The following TANC2 variants were observed in gnomAD, a reference collection of about 807,000 sequenced individuals.
TANC2 encodes protein TANC2.
TANC2 carries 26 observed loss-of-function variants against 210.5 expected under a neutral mutation model. The observed-to-expected ratio is 0.12, with a 90% CI of 0.09 to 0.17. The LOEUF is 0.17. Ranked by LOEUF, TANC2 falls within the 10% of genes least tolerant of loss-of-function variation. TANC2 has a pLI of 1.00. For missense variants in TANC2, 2,129 were observed against 2,608.9 expected, an observed-to-expected ratio of 0.82 and a Z score of 4.01; for synonymous variants, 931 against 967.1, an observed-to-expected ratio of 0.96 and a Z score of 0.69.
chr17:63,367,256 C>T (rs1404143634), intron 14 of TANC2, among the ~76,000 whole-genome samples: 1 of 152,186 alleles, frequency 6.6e-6, no homozygotes, highest in African/African-American at 2.4e-5. Flanking sequence ...ACTTAGGTGG[C>T]TTAAGACACC....
intron 4 of TANC2, among the ~76,000 whole-genome samples, chr17:63,124,230 G>A (rs1433658091): frequency 6.6e-6 from 1 of 151,656 alleles, no homozygotes; most frequent in African/African-American, 2.4e-5. Context: ...TCTAACTTCA[G>A]TATCTGTTCT....
At chr17:63,132,714 AATATT>A (rs796498014) in intron 4 of TANC2, among the ~76,000 whole-genome samples, 117 of 152,276 alleles carry the variant, frequency 7.7e-4, no homozygotes, top group African/African-American at 2.6e-3. Context: ...ATTTCTGACA[AATATT>A]CTAAGGTCAG....
rs552429950 is a variant in TANC2, at chr17:63,340,293, C to T, written c.1768C>T (p.Arg590Trp). The stretch of plus-strand genomic sequence containing the variant: ...TGTTCAAGACCCCATGGCCTCCTTC[C>T]GGAGGGGAGTTCTGGAGCCACTAGA... The change falls in exon 12 of 28, where the codon CGG (arginine) becomes TGG (tryptophan). Residue 590 changes from arginine to tryptophan, a missense_variant. Arg to Trp is a moderately radical substitution (Grantham distance 101). This residue lies in a region of TANC2 where 739 missense variants were observed against 848.0 expected (regional missense o/e 0.87). Coordinates refer to ENST00000689528, the Ensembl canonical transcript of TANC2. The T allele has an allele frequency of 8.1e-6, 13 of 1,613,850 alleles. No homozygotes were observed. In the African/African-American group the frequency reaches 1.7e-4, roughly 22 times the overall value.
At chr17:63,048,086 CCT>C (rs2035448204) in intron 2 of TANC2, among the ~76,000 whole-genome samples, 1 of 152,054 alleles carries the variant, frequency 6.6e-6, no homozygotes, top group African/African-American at 2.4e-5. Context: ...AGGTAGGACA[CCT>C]CTTGAATGAG....
intron 8 of TANC2, among the ~76,000 whole-genome samples, chr17:63,245,529 G>A (rs1312075093): frequency 6.6e-6 from 1 of 151,980 alleles, no homozygotes; most frequent in Non-Finnish European, 1.5e-5. Context: ...ACAACATGGT[G>A]AAACCCCGTC....
intron 5 of TANC2, among the ~76,000 whole-genome samples, chr17:63,188,892 T>C (rs1192108446): frequency 1.3e-5 from 2 of 149,386 alleles, no homozygotes; most frequent in African/African-American, 4.9e-5. Flanking sequence ...AGCATTTTTA[T>C]CACCCCCCCC....
At chr17:63,006,173 A>G (rs77361058) in intron 1 of TANC2, among the ~76,000 whole-genome samples, 10,972 of 151,998 alleles carry the variant, frequency 0.072, 543 homozygotes, top group African/African-American at 0.15. Flanking sequence ...TCTTTCCTCA[A>G]TCAGCCTTGG....
intron 8 of TANC2, among the ~76,000 whole-genome samples, chr17:63,247,007 A>G (rs2042937192): frequency 6.6e-6 from 1 of 152,074 alleles, no homozygotes; most frequent in Non-Finnish European, 1.5e-5. Context: ...ATGATATCTC[A>G]TGAGGTTTTA....
chr17:63,374,552 T>G (rs559358577), intron 14 of TANC2, among the ~76,000 whole-genome samples: 1 of 151,904 alleles, frequency 6.6e-6, no homozygotes, highest in South Asian at 2.1e-4. Context: ...AACCCCTGAG[T>G]TTATCGGGGG....
chr17:63,172,438 T>A (rs1403070293), intron 5 of TANC2, among the ~76,000 whole-genome samples: 1 of 152,026 alleles, frequency 6.6e-6, no homozygotes, highest in Non-Finnish European at 1.5e-5. Context: ...CACCTCAGCC[T>A]TCCAAGGTAC....
chr17:63,411,308 C>T (rs915531772), intron 21 of TANC2, among the ~76,000 whole-genome samples: 2 of 152,152 alleles, frequency 1.3e-5, no homozygotes, highest in African/African-American at 2.4e-5. Context: ...CTCAGTAAAA[C>T]GACTGGAATC....
At chr17:63,404,367 A>G (rs2048435034) in intron 19 of TANC2, among the ~76,000 whole-genome samples, 1 of 152,352 alleles carries the variant, frequency 6.6e-6, no homozygotes, top group South Asian at 2.1e-4. Flanking sequence ...ATCAGAGATC[A>G]TATTGTCAGT....
At chr17:63,337,624 T>A (rs968801860) in intron 11 of TANC2, among the ~76,000 whole-genome samples, 38 of 139,712 alleles carry the variant, frequency 2.7e-4, no homozygotes, top group African/African-American at 5.2e-4. Flanking sequence ...TTTTTTTTTT[T>A]AAATTTTATT....
chr17:63,172,985 G>A (rs890323118), intron 5 of TANC2, among the ~76,000 whole-genome samples: 1 of 152,098 alleles, frequency 6.6e-6, no homozygotes, highest in African/African-American at 2.4e-5. Flanking sequence ...TGGAAGGGAG[G>A]CTACATACAA....
chr17:63,330,560 G>T (rs1018279338), intron 11 of TANC2, among the ~76,000 whole-genome samples: 3 of 152,196 alleles, frequency 2.0e-5, no homozygotes, highest in East Asian at 3.9e-4. Flanking sequence ...TTTTTGATTT[G>T]CAGCACCTGA....
intron 11 of TANC2, among the ~76,000 whole-genome samples, chr17:63,322,302 T>G (rs1483150382): frequency 1.3e-5 from 2 of 152,072 alleles, no homozygotes; most frequent in Admixed American, 1.3e-4. Context: ...ATCGAGACCA[T>G]CCTGGCTAAC....
Position 63,420,131 on chromosome 17 carries a change from G to GCCA in TANC2, c.4404_4406dup (p.Pro1469dup). 1 of 1,554,790 alleles carries GCCA rather than the reference G, an allele frequency of 6.4e-7. No individual in the cohort carries two copies. On this transcript the variant is annotated inframe_insertion, in exon 28 of 28. Transcript: ENST00000689528. The surrounding 1 kb of genome is among the most constrained non-coding windows in gnomAD (Gnocchi z 4.2). ...TGCAGCAGCCACAGCAGCCACCGCC[G>GCCA]CCACCGCAGCCTCAGCAGCAGTTGC...
chr17:63,296,371 T>A (rs1277113634), intron 9 of TANC2, among the ~76,000 whole-genome samples: 1 of 151,172 alleles, frequency 6.6e-6, no homozygotes, highest in African/African-American at 2.4e-5. Context: ...TTGCAAAAAT[T>A]GTTTGGAAAA....
chr17:63,237,998 G>T (rs779995743), exon 8 of TANC2: 1 of 1,572,664 alleles, frequency 6.4e-7, no homozygotes, highest in East Asian at 2.3e-5. Flanking sequence ...AGATCCCAGA[G>T]AGAAATTTGG....
Sources: allele counts gnomAD v4.1 joint callset (sites outside exome capture counted in the v4.1 genomes callset), GRCh38; gene constraint gnomAD v4.1.1; regional missense constraint gnomAD v4.1.1; non-coding constraint Gnocchi (gnomAD v3.1); transcripts MANE v1.5; gene names NCBI Gene and HGNC (gene_info 2026-07-23, HGNC 2026-07-21).